ABCG2: variants seen among roughly 807,000 people sequenced by gnomAD.
The protein encoded by ABCG2 is ATP binding cassette subfamily G member 2 (JR blood group).
In ABCG2, 80 loss-of-function variants were observed where a neutral mutation model predicts 73.5. The observed-to-expected ratio is 1.09, with a 90% confidence interval of 0.91 to 1.31. The LOEUF (loss-of-function observed/expected upper bound fraction) is 1.31. Among genes scored for constraint, ABCG2 ranks in the 50% most tolerant of loss-of-function variants. The pLI is 0.00. For synonymous variants in ABCG2, 269 were observed against 282.4 expected (o/e 0.95, Z 0.48); for missense variants, 796 against 786.2 (o/e 1.01, Z -0.15).
intron 10 of ABCG2, among the ~76,000 whole-genome samples, chr4:88,104,103 T>C (rs556504726): frequency 6.6e-4 from 101 of 152,236 alleles, no homozygotes; most frequent in Non-Finnish European, 1.2e-3. Flanking sequence ...TTTTAAAGTA[T>C]ACCTTTTCCC....
In ABCG2 at chr4:88,135,935, T is replaced by C. The variant is rs28645903; in HGVS notation, c.204-3300A>G. 2.0e-3 allele frequency among the ~76,000 whole-genome samples: 312 copies of C among 152,226 alleles called. 1 individual carries two copies. The highest frequency in any genetic ancestry group is 3.3e-3 in the Non-Finnish European group (227 of 68,006). Reference sequence around the variant, plus strand: ...ACTTGCTGATTTTCTTATTCCATAATATAAACAATCTCCCACCCTCTCTAG... The same window carrying C: ...ACTTGCTGATTTTCTTATTCCATAACATAAACAATCTCCCACCCTCTCTAG... On this transcript the variant is annotated intron_variant, in intron 2 of 15. Transcript: ENST00000237612.
At chr4:88,137,934 C>CT (rs1725364511) in intron 2 of ABCG2, among the ~76,000 whole-genome samples, 1 of 152,030 alleles carries the variant, frequency 6.6e-6, no homozygotes, top group Non-Finnish European at 1.5e-5. Context: ...GTGGGAGGAT[C>CT]ACTTAAGCCC....
chr4:88,226,727 T>C (rs1040019538), intron 1 of ABCG2: 5 of 152,428 alleles, frequency 3.3e-5, no homozygotes, highest in African/African-American at 1.2e-4. Context: ...TACCCTGACA[T>C]GTTCCTTTTA....
upstream of ABCG2, among the ~76,000 whole-genome samples, chr4:88,160,870 A>C (rs2110086009): frequency 6.6e-6 from 1 of 151,082 alleles, no homozygotes; most frequent in East Asian, 1.9e-4. Context: ...AAAAAAAAAA[A>C]AACCTATACA....
chr4:88,146,993 A>G (rs1380296956), intron 1 of ABCG2, among the ~76,000 whole-genome samples: 2 of 148,396 alleles, frequency 1.3e-5, no homozygotes, highest in Non-Finnish European at 3.0e-5. Context: ...GGAAAAAGAA[A>G]GAAAGAAGAA....
In ABCG2 at chr4:88,094,596, T is replaced by C. The variant is rs1241015824; in HGVS notation, c.1801A>G (p.Asn601Asp). The C allele has an allele frequency of 1.9e-6, 3 of 1,613,826 alleles. No homozygotes were observed. Among genetic ancestry groups the C allele is most frequent in the East Asian group, 4.5e-5 (2 of 44,892 alleles). Reference sequence around the variant, plus strand: ...ACTTACGTTGCATAGTTACAAGGATTGTTTCCTGTTGCATTGAGTCCTGGG... The same window carrying C: ...ACTTACGTTGCATAGTTACAAGGATCGTTTCCTGTTGCATTGAGTCCTGGG... ...FCPGLNATGN[N>D]PCNYATCTGE... Residue 601 changes from asparagine to aspartate, a missense_variant, in exon 15 of 16, where the codon AAT becomes GAT. By Grantham distance (23) the Asn-to-Asp change is conservative. Transcript: ENST00000237612.
intron 1 of ABCG2, among the ~76,000 whole-genome samples, chr4:88,230,748 T>G (rs1266598390): frequency 6.6e-6 from 1 of 152,148 alleles, no homozygotes; most frequent in Non-Finnish European, 1.5e-5. Flanking sequence ...TGACAGAGTT[T>G]GAGCCCTTTT....
intron 1 of ABCG2, among the ~76,000 whole-genome samples, chr4:88,192,223 T>A (rs1728719784): frequency 6.6e-6 from 1 of 151,294 alleles, no homozygotes; most frequent in South Asian, 2.1e-4. Context: ...GGGGTTTGGA[T>A]GGGAAAGAAA....
chr4:88,163,340 A>C (rs1478446125), upstream of ABCG2, among the ~76,000 whole-genome samples: 1 of 152,208 alleles, frequency 6.6e-6, no homozygotes. Context: ...AGGTGAGAGA[A>C]AGGAATATAG....
chr4:88,121,051 A>C (rs1723933069), intron 6 of ABCG2, among the ~76,000 whole-genome samples: 1 of 152,036 alleles, frequency 6.6e-6, no homozygotes, highest in Admixed American at 6.5e-5. Context: ...ATTTTCTAAG[A>C]ACTTACTGTA....
chr4:88,133,986 A>C (rs1725077627), intron 2 of ABCG2, among the ~76,000 whole-genome samples: 1 of 151,830 alleles, frequency 6.6e-6, no homozygotes, highest in South Asian at 2.1e-4. Context: ...CAACAGAGCA[A>C]GACTCCGTCT....
chr4:88,167,746 A>G (rs545434271), intron 1 of ABCG2, among the ~76,000 whole-genome samples: 1 of 152,272 alleles, frequency 6.6e-6, no homozygotes, highest in South Asian at 2.1e-4. Context: ...TGTTAGAGTC[A>G]TCTGACTTAG....
intron 1 of ABCG2, among the ~76,000 whole-genome samples, chr4:88,214,351 T>A (rs1288965895): frequency 6.6e-6 from 1 of 152,032 alleles, no homozygotes; most frequent in Non-Finnish European, 1.5e-5. Context: ...ATCGTTTTGT[T>A]CTCTTTTACA....
At chr4:88,173,755 T>G (rs7658626) in intron 1 of ABCG2, among the ~76,000 whole-genome samples, 1 of 152,124 alleles carries the variant, frequency 6.6e-6, no homozygotes, top group Admixed American at 6.5e-5. Flanking sequence ...TCCCAACACT[T>G]TGGGAGGCTG....
chr4:88,194,368 G>T (rs1230294175), intron 1 of ABCG2, among the ~76,000 whole-genome samples: 3 of 151,658 alleles, frequency 2.0e-5, no homozygotes, highest in African/African-American at 7.3e-5. Flanking sequence ...GGCTAACACG[G>T]TTAAACCCCG....
chr4:88,126,144 T>TAA (rs747025713), intron 5 of ABCG2, among the ~76,000 whole-genome samples: 4 of 152,072 alleles, frequency 2.6e-5, no homozygotes, highest in Non-Finnish European at 5.9e-5. Context: ...AAGAATACTA[T>TAA]AAACACCTCT....
intron 1 of ABCG2, among the ~76,000 whole-genome samples, chr4:88,147,097 A>C (rs1726103355): frequency 6.6e-6 from 1 of 150,752 alleles, no homozygotes; most frequent in South Asian, 2.1e-4. Flanking sequence ...AAAAAAGAAG[A>C]GAGAAAAGGA....
rs1309363470 is a variant in ABCG2, at chr4:88,095,519, C to A, written c.1737+1G>T. 16 of 1,611,350 alleles carry A rather than the reference C, an allele frequency of 9.9e-6. No individual in the cohort carries two copies. The highest frequency in any genetic ancestry group is 1.4e-5 in the Non-Finnish European group (16 of 1,177,732). On this transcript the variant is annotated splice_donor_variant, in intron 14 of 15. Coordinates refer to ENST00000237612, the MANE Select transcript of ABCG2 (RefSeq NM_004827.3). LOFTEE classifies it high-confidence loss of function. ...CACAGTGACAGACAAGGAAGACATA[C>A]CGTAAATCCATATCGTGGAATGCTG...
chr4:88,098,689 C>T (rs62310573), intron 12 of ABCG2, among the ~76,000 whole-genome samples: 45 of 48,692 alleles, frequency 9.2e-4, no homozygotes, highest in Middle Eastern at 0.019. Flanking sequence ...GATAGATAGA[C>T]AGATAGAAAA....
Sources: gnomAD v4.1 joint callset for allele counts (sites outside exome capture counted in the v4.1 genomes callset) on GRCh38, gnomAD v4.1.1 for gene constraint, MANE v1.5 for transcripts, NCBI Gene and HGNC (gene_info 2026-07-23, HGNC 2026-07-21) for gene names.